KCNQ5: variants seen among roughly 807,000 people sequenced by gnomAD.
KCNQ5 encodes potassium voltage-gated channel subfamily KQT member 5.
KCNQ5 carries 30 observed loss-of-function variants against 98.2 expected under a neutral mutation model. The observed-to-expected ratio is 0.31, with a 90% confidence interval of 0.23 to 0.41. KCNQ5 has a LOEUF of 0.41. KCNQ5 is among the 10% of genes least tolerant of loss of function. The pLI, the probability that KCNQ5 is intolerant of heterozygous loss-of-function variation, is 1.00. For synonymous variants in KCNQ5, 458 were observed against 449.4 expected (o/e 1.02, Z -0.24); for missense variants, 835 against 1,182.5 (o/e 0.71, Z 4.31).
At chr6:73,153,692 A>C (rs1052606477) in intron 10 of KCNQ5, among the ~76,000 whole-genome samples, 6 of 150,580 alleles carry the variant, frequency 4.0e-5, no homozygotes, top group Admixed American at 6.6e-5. Context: ...TCTCTTTAGA[A>C]AAAAAAAAGG....
At chr6:72,805,923 T>C (rs9442853) in intron 1 of KCNQ5, among the ~76,000 whole-genome samples, 151,016 of 152,116 alleles carry the variant, frequency 0.99, 74,964 homozygotes, top group East Asian at 1. Context: ...TATTTGTAGC[T>C]GTTGTAAATG....
intron 1 of KCNQ5, among the ~76,000 whole-genome samples, chr6:72,872,721 G>T (rs9351950): frequency 6.6e-6 from 1 of 151,526 alleles, no homozygotes; most frequent in African/African-American, 2.4e-5. Context: ...TTTTCATTTC[G>T]CGAATTGTAC....
At chr6:72,664,892 G>A (rs1455509249) in intron 1 of KCNQ5, among the ~76,000 whole-genome samples, 3 of 152,170 alleles carry the variant, frequency 2.0e-5, no homozygotes, top group Admixed American at 2.0e-4. Context: ...ACCATTAAAT[G>A]TAATTGTCAT....
At chr6:72,914,964 C>T (rs1169813429) in intron 1 of KCNQ5, among the ~76,000 whole-genome samples, 1 of 152,090 alleles carries the variant, frequency 6.6e-6, no homozygotes, top group Non-Finnish European at 1.5e-5. Context: ...CTCTCTTCAC[C>T]TCTCAGTAGA....
intron 3 of KCNQ5, among the ~76,000 whole-genome samples, chr6:73,068,010 A>G (rs1359001402): frequency 5.3e-5 from 8 of 152,124 alleles, no homozygotes; most frequent in Non-Finnish European, 1.5e-5. Flanking sequence ...AGAATACATA[A>G]TCTGGCCAGG....
At chr6:73,018,772 A>G (rs745944851) in intron 2 of KCNQ5, among the ~76,000 whole-genome samples, 1 of 152,182 alleles carries the variant, frequency 6.6e-6, no homozygotes, top group Non-Finnish European at 1.5e-5. Flanking sequence ...CTCATCCACA[A>G]TTTATGAAAT....
rs570342091 is a variant in KCNQ5, at chr6:72,893,646, G to GTAA, written c.399-110254_399-110252dup. On this transcript the variant is annotated intron_variant, in intron 1 of 13. Coordinates refer to ENST00000370398, the MANE Select transcript of KCNQ5 (RefSeq NM_019842.4). ...CTTTGTATATGAATTTGTTCTCCTG[G>GTAA]TAATAATAATGAATTTAGACCTATT... Among the ~76,000 whole-genome samples, 10 of 152,296 alleles carry GTAA rather than the reference G, an allele frequency of 6.6e-5. No individual in the cohort carries two copies. In the East Asian group the frequency reaches 1.3e-3, roughly 21 times the overall value.
At chr6:72,766,605 G>A (rs1772585702) in intron 1 of KCNQ5, among the ~76,000 whole-genome samples, 1 of 151,978 alleles carries the variant, frequency 6.6e-6, no homozygotes, top group African/African-American at 2.4e-5. Context: ...GATACAATCT[G>A]AAGGTAGAGC....
chr6:72,760,526 GT>G (rs919233950), intron 1 of KCNQ5, among the ~76,000 whole-genome samples: 5 of 151,674 alleles, frequency 3.3e-5, no homozygotes, highest in African/African-American at 1.2e-4. Context: ...GGGTGAGGGG[GT>G]TCATGAACAT....
chr6:73,005,858 T>C (rs1480045540), intron 2 of KCNQ5, among the ~76,000 whole-genome samples: 1 of 152,236 alleles, frequency 6.6e-6, no homozygotes, highest in Admixed American at 6.5e-5. Context: ...TTGTTAATCC[T>C]ACTATCTTTG....
intron 3 of KCNQ5, among the ~76,000 whole-genome samples, chr6:73,045,568 T>C (rs1771925090): frequency 6.6e-6 from 1 of 152,218 alleles, no homozygotes. Flanking sequence ...CTGGCTGCTT[T>C]ATGATTTCTC....
intron 2 of KCNQ5, among the ~76,000 whole-genome samples, chr6:73,035,191 T>C (rs1471624613): frequency 1.3e-5 from 2 of 152,180 alleles, no homozygotes; most frequent in Non-Finnish European, 2.9e-5. Context: ...TTAAGAAGAA[T>C]AAGAAAATTC....
At chr6:72,632,443 T>G (rs922008814) in intron 1 of KCNQ5, among the ~76,000 whole-genome samples, 1 of 151,342 alleles carries the variant, frequency 6.6e-6, no homozygotes, top group Middle Eastern at 3.4e-3. Context: ...GCCTGGCCAG[T>G]TTTTTTTTCT....
At chr6:72,689,939 T>C (rs1333876398) in intron 1 of KCNQ5, among the ~76,000 whole-genome samples, 2 of 152,124 alleles carry the variant, frequency 1.3e-5, no homozygotes, top group East Asian at 1.9e-4. Flanking sequence ...AAGATTGAAT[T>C]TGTAACTTGA....
intron 2 of KCNQ5, among the ~76,000 whole-genome samples, chr6:73,036,341 G>C (rs1456401839): frequency 1.5e-5 from 2 of 137,040 alleles, no homozygotes; most frequent in Non-Finnish European, 3.0e-5. Flanking sequence ...AGCCGAGATC[G>C]CACCACTGCA....
chr6:72,875,113 A>C (rs1404268562), intron 1 of KCNQ5, among the ~76,000 whole-genome samples: 1 of 152,156 alleles, frequency 6.6e-6, no homozygotes, highest in Non-Finnish European at 1.5e-5. Flanking sequence ...ACCTTGTTTT[A>C]TGCATAAAGT....
At chr6:73,182,147 G>A (rs1341627934) in intron 11 of KCNQ5, among the ~76,000 whole-genome samples, 1 of 152,058 alleles carries the variant, frequency 6.6e-6, no homozygotes, top group Non-Finnish European at 1.5e-5. Context: ...TCTAAACCAG[G>A]GGTCAGCAAA....
intron 1 of KCNQ5, among the ~76,000 whole-genome samples, chr6:72,770,479 A>G (rs1772807113): frequency 6.6e-6 from 1 of 152,168 alleles, no homozygotes; most frequent in East Asian, 1.9e-4. Context: ...TATAAAATAC[A>G]ATGACGGTAA....
chr6:72,806,020 A>ACTTC (rs2150098837), intron 1 of KCNQ5, among the ~76,000 whole-genome samples: 1 of 152,206 alleles, frequency 6.6e-6, no homozygotes, highest in Non-Finnish European at 1.5e-5. Context: ...TGGTGCCCGA[A>ACTTC]ATCTGCTGAG....
Sources: allele counts gnomAD v4.1 joint callset (sites outside exome capture counted in the v4.1 genomes callset), GRCh38; gene constraint gnomAD v4.1.1; transcripts MANE v1.5; gene names NCBI Gene and HGNC (gene_info 2026-07-23, HGNC 2026-07-21).